KDM2B: variants seen among roughly 807,000 people sequenced by gnomAD.
KDM2B encodes the protein lysine demethylase 2B, also known as lysine-specific demethylase 2B.
In KDM2B, 26 loss-of-function variants were observed where a neutral mutation model predicts 150.0. That is an observed-to-expected ratio of 0.17 (90% CI 0.13 to 0.24). The LOEUF (loss-of-function observed/expected upper bound fraction) is 0.24, where lower values mean the gene tolerates loss of function less well. Ranked by LOEUF, KDM2B falls within the 10% of genes least tolerant of loss-of-function variation. The pLI, the probability that KDM2B is intolerant of heterozygous loss-of-function variation, is 1.00. For missense variants in KDM2B, 1,265 were observed against 1,816.9 expected, an observed-to-expected ratio of 0.70 and a Z score of 5.52; for synonymous variants, 734 against 729.5, an observed-to-expected ratio of 1.01 and a Z score of -0.10.
chr12:121,570,320 G>A (rs1329791799), intron 4 of KDM2B, among the ~76,000 whole-genome samples: 14 of 152,152 alleles, frequency 9.2e-5, no homozygotes, highest in Admixed American at 2.6e-4. Context: ...CGAAAGTGCT[G>A]GGATTCCAAG....
chr12:121,419,054 T>C, the KDM2B span, among the ~76,000 whole-genome samples: 1 of 152,208 alleles, frequency 6.6e-6, no homozygotes, highest in South Asian at 2.1e-4. Context: ...AAATTTGGTC[T>C]AATTGCCTTC....
At chr12:121,461,233 G>A (rs74543852) in intron 12 of KDM2B, among the ~76,000 whole-genome samples, 11,386 of 152,260 alleles carry the variant, frequency 0.075, 597 homozygotes, top group South Asian at 0.23. Context: ...AGAGAGAGAT[G>A]TGAAACTGCG....
At chr12:121,456,664 G>GTCT (rs1171826843) in intron 12 of KDM2B, among the ~76,000 whole-genome samples, 2 of 152,230 alleles carry the variant, frequency 1.3e-5, no homozygotes, top group Non-Finnish European at 2.9e-5. Context: ...CGAGGACAGT[G>GTCT]TCTGGGCAAG....
In KDM2B at chr12:121,513,534, G is replaced by C; in HGVS notation, c.1048-132C>G. 9.8e-7 allele frequency: 1 copy of C among 1,018,198 alleles called. No individual in the cohort carries two copies. Among genetic ancestry groups the C allele is most frequent in the Non-Finnish European group, 1.4e-6 (1 of 691,232 alleles). The allele number at this position is 1,018,198 out of a possible 1,614,324, so 63.1% of individuals were successfully genotyped here. On this transcript the variant is annotated intron_variant, in intron 9 of 22. Transcript: ENST00000377071. This position sits in a 1 kb window ranked among gnomAD's most constrained non-coding sequence, Gnocchi z 5.0. The stretch of plus-strand genomic sequence containing the variant: ...CATCTTAGCGAGAGCATGGATGGTC[G>C]GGGGAGAAATGGTGGGGTGCTGGAA...
At chr12:121,540,122 TA>T (rs1472033864) in intron 6 of KDM2B, among the ~76,000 whole-genome samples, 1 of 152,170 alleles carries the variant, frequency 6.6e-6, no homozygotes, top group Non-Finnish European at 1.5e-5. Context: ...ATGGGGATAG[TA>T]ACCCATGCCT....
chr12:121,578,797 C>T lies in KDM2B; in HGVS notation c.271+5G>A, dbSNP rs574219618. 3.3e-6 allele frequency: 5 copies of T among 1,534,858 alleles called. No homozygotes were observed. In the Admixed American group the frequency reaches 9.2e-5, roughly 28 times the overall value. ...AGAGGGCGGCCCGGGGTGGGGGCGC[C>T]TCACCTTTGCCCTCCATGGCGTGCA... is the stretch of plus-strand genomic sequence containing the variant. On this transcript the variant is annotated splice_donor_5th_base_variant and intron_variant, in intron 2 of 22. Transcript: ENST00000377071.
At chr12:121,436,674 A>T (rs535530640) in intron 22 of KDM2B, among the ~76,000 whole-genome samples, 3 of 152,074 alleles carry the variant, frequency 2.0e-5, no homozygotes, top group East Asian at 3.9e-4. Flanking sequence ...AGAAAGAAGA[A>T]GTTTTTCTAC....
At chr12:121,542,880 G>A (rs1344954219) in intron 6 of KDM2B, among the ~76,000 whole-genome samples, 1 of 152,058 alleles carries the variant, frequency 6.6e-6, no homozygotes, top group Non-Finnish European at 1.5e-5. Flanking sequence ...CACGAGAATG[G>A]GGACTTGGCT....
At position 121,430,337 on chromosome 12, in the gene KDM2B, C is replaced by G; in HGVS notation, c.3962G>C (p.Ser1321Thr). ...CEQFIAEMSV[S>T]VQFGQVEEKL... ...TTCTTCTACTTGCCCAAACTGGACA[C>G]TCACAGACATCTCGGCTATGAACTG... Residue 1321 changes from serine (S) to threonine (T), a missense_variant, in exon 23 of 23, where the codon AGT (serine) becomes ACT (threonine). By Grantham distance (58) the Ser-to-Thr change is moderately conservative. This residue lies in a region of KDM2B where 251 missense variants were observed against 397.8 expected (regional missense o/e 0.63). Coordinates refer to ENST00000377071, the MANE Select transcript of KDM2B (RefSeq NM_032590.5). This position sits in a 1 kb window ranked among gnomAD's most constrained non-coding sequence, Gnocchi z 4.4. The G allele has an allele frequency of 6.2e-7, 1 of 1,614,178 alleles. No homozygotes were observed.
intron 8 of KDM2B, among the ~76,000 whole-genome samples, chr12:121,530,058 C>T (rs1362058081): frequency 2.0e-5 from 3 of 148,284 alleles, no homozygotes. Context: ...GAAAACGTGT[C>T]TCTACTAAAA....
At chr12:121,464,192 C>A (rs1555294313) in intron 12 of KDM2B, among the ~76,000 whole-genome samples, 1 of 152,216 alleles carries the variant, frequency 6.6e-6, no homozygotes, top group Non-Finnish European at 1.5e-5. Flanking sequence ...ATAATCATAT[C>A]ACTGTACTCC....
At chr12:121,548,198 C>T (rs544788780) in intron 6 of KDM2B, among the ~76,000 whole-genome samples, 26 of 152,152 alleles carry the variant, frequency 1.7e-4, no homozygotes, top group Admixed American at 1.4e-3. Context: ...ACCCAGGAGG[C>T]GGAGGTTGCA....
intron 4 of KDM2B, among the ~76,000 whole-genome samples, chr12:121,567,278 T>C (rs1456049351): frequency 6.6e-6 from 1 of 152,220 alleles, no homozygotes; most frequent in African/African-American, 2.4e-5. Flanking sequence ...AAGGTGTATA[T>C]ATTAATATGC....
chr12:121,562,151 CT>C (rs1305943018), intron 4 of KDM2B, among the ~76,000 whole-genome samples: 2 of 150,668 alleles, frequency 1.3e-5, no homozygotes, highest in East Asian at 3.9e-4. Context: ...ACATGGGTGA[CT>C]TTTTTTCCAT....
intron 4 of KDM2B, among the ~76,000 whole-genome samples, chr12:121,550,793 C>T (rs1889425605): frequency 6.6e-6 from 1 of 152,046 alleles, no homozygotes; most frequent in South Asian, 2.1e-4. Context: ...CGCAACTGGC[C>T]TAGATTTTTT....
chr12:121,496,583 C>T (rs1555301042), intron 11 of KDM2B, among the ~76,000 whole-genome samples: 1 of 146,750 alleles, frequency 6.8e-6, no homozygotes, highest in Non-Finnish European at 1.5e-5. Flanking sequence ...TAGCCTCAAA[C>T]TCCTGGGCTC....
intron 4 of KDM2B, among the ~76,000 whole-genome samples, chr12:121,573,876 T>C (rs1004199598): frequency 6.6e-6 from 1 of 152,132 alleles, no homozygotes; most frequent in Non-Finnish European, 1.5e-5. Context: ...TGTGAGCCAC[T>C]GCACCCGGCC....
chr12:121,491,584 G>A (rs1555299923), intron 12 of KDM2B, among the ~76,000 whole-genome samples: 1 of 152,060 alleles, frequency 6.6e-6, no homozygotes, highest in Admixed American at 6.6e-5. Flanking sequence ...CCTAAGGTCA[G>A]GAGTTCAAGA....
In KDM2B at chr12:121,536,115, C is replaced by CGAGTGGAGATAA. The variant is rs1888074053; in HGVS notation, c.684-1537_684-1526dup. On this transcript the variant is annotated intron_variant, in intron 6 of 22. Transcript: ENST00000377071. ...GGGAGGAGCCAGCAGCGCGCCGGCACGAGTGGAGATAATGCGGGGAGTGGG... is the reference window on the plus strand; with the variant it reads ...GGGAGGAGCCAGCAGCGCGCCGGCACGAGTGGAGATAAGAGTGGAGATAATGCGGGGAGTGGG... 3.0e-6 allele frequency: 3 copies of CGAGTGGAGATAA among 985,438 alleles called. No individual in the cohort carries two copies. The Admixed American group carries it at 1.8e-4, about 61-fold the overall frequency. 61.0% of individuals were successfully genotyped at this position (985,438 alleles called of 1,614,324 possible). A position where few individuals can be genotyped will look rare whatever the true frequency, so the allele number is the denominator to read the frequency against.
Sources: gnomAD v4.1 joint callset for allele counts (sites outside exome capture counted in the v4.1 genomes callset) on GRCh38, gnomAD v4.1.1 for gene constraint, gnomAD v4.1.1 regional missense constraint, Gnocchi (gnomAD v3.1) non-coding constraint, MANE v1.5 for transcripts, NCBI Gene and HGNC (gene_info 2026-07-23, HGNC 2026-07-21) for gene names.